The following FKBP9 variants were observed in gnomAD, a reference collection of about 807,000 sequenced individuals.
The protein encoded by FKBP9 is FKBP prolyl isomerase 9.
Under a neutral mutation model 55.6 loss-of-function variants are expected in FKBP9, and 27 were observed. That is an observed-to-expected ratio of 0.49 (90% CI 0.36 to 0.67). The LOEUF (loss-of-function observed/expected upper bound fraction) is 0.67. Ranked by LOEUF, FKBP9 falls within the 30% of genes least tolerant of loss-of-function variation. FKBP9 has a pLI of 0.00. For synonymous variants in FKBP9, 267 were observed against 296.5 expected, an observed-to-expected ratio of 0.90 and a Z score of 1.02; for missense variants, 539 against 742.8, an observed-to-expected ratio of 0.73 and a Z score of 3.19.
intron 1 of FKBP9, among the ~76,000 whole-genome samples, chr7:32,960,693 T>C (rs1784004355): frequency 6.6e-6 from 1 of 152,120 alleles, no homozygotes; most frequent in Non-Finnish European, 1.5e-5. Context: ...GGATCTACCA[T>C]CCATTCATCA....
chr7:32,976,500 G>T lies in FKBP9; in HGVS notation c.703+1G>T. ...CTGGCCTATGGAGAGGATGGAGATG[G>T]TAAGTCCGTCTCCTTCTTGGAGCCA... On this transcript the variant is annotated splice_donor_variant, in intron 4 of 9. Coordinates refer to ENST00000242209, the MANE Select transcript of FKBP9 (RefSeq NM_007270.5). LOFTEE classifies it high-confidence loss of function. 6.3e-7 allele frequency: 1 copy of T among 1,585,980 alleles called. No homozygotes were observed. Among genetic ancestry groups the T allele is most frequent in the South Asian group, 1.2e-5 (1 of 86,254 alleles).
intron 8 of FKBP9, chr7:33,002,004 T>C (rs954646477): frequency 6.6e-6 from 1 of 152,268 alleles, no homozygotes; most frequent in Non-Finnish European, 1.5e-5. Context: ...GAGGTCATGC[T>C]ATTCTTCTCA....
At chr7:32,995,350 A>G (rs1424443772) in intron 6 of FKBP9, among the ~76,000 whole-genome samples, 9 of 152,138 alleles carry the variant, frequency 5.9e-5, no homozygotes, top group Non-Finnish European at 1.3e-4. Context: ...TTTTACATTT[A>G]AACTTCTCTG....
intron 5 of FKBP9, among the ~76,000 whole-genome samples, chr7:32,983,525 G>C (rs1217320207): frequency 6.6e-6 from 1 of 151,866 alleles, no homozygotes. Context: ...ATGTTGGCCA[G>C]GCTGGTGTCA....
chr7:32,989,074 CTT>C (rs1483406216), intron 6 of FKBP9: 1 of 153,158 alleles, frequency 6.5e-6, no homozygotes, highest in African/African-American at 2.4e-5. Flanking sequence ...GTGAATTCCA[CTT>C]TGTTTTGCCA....
intron 1 of FKBP9, among the ~76,000 whole-genome samples, chr7:32,972,719 C>T (rs1307879233): frequency 6.6e-6 from 1 of 150,626 alleles, no homozygotes; most frequent in Non-Finnish European, 1.5e-5. Context: ...TTAACCTGTT[C>T]CCCCCCCACC....
Position 32,999,806 on chromosome 7 carries a change from G to A in FKBP9, c.1227-309G>A, listed in dbSNP as rs116918609. Among the ~76,000 whole-genome samples the A allele has an allele frequency of 8.8e-3, 1,335 of 152,108 alleles. 67 individuals carry two copies. In the East Asian group the frequency reaches 0.14, roughly 15 times the overall value. On this transcript the variant is annotated intron_variant, in intron 7 of 9. Transcript: ENST00000242209. ...CTCACAGGCTGGAGTGCAGGGGCAC[G>A]ATCCTGGCTCACTGCAGCCTCCACC...
intron 1 of FKBP9, among the ~76,000 whole-genome samples, chr7:32,962,080 G>A (rs1040377562): frequency 6.6e-6 from 1 of 152,054 alleles, no homozygotes; most frequent in Admixed American, 6.6e-5. Flanking sequence ...GGCCAAAAAG[G>A]TTGGGGACCA....
At position 33,000,147 on chromosome 7, in the gene FKBP9, T is replaced by C. The variant is rs1448849799; in HGVS notation, c.1259T>C (p.Leu420Pro). ...TTAGGCAAAACTTACAATATTGTTC[T>C]GGGATCTGGGCAAGTTGTGTTGGGG... ...WNLGKTYNIV[L>P]GSGQVVLGMD... Residue 420 changes from leucine to proline, a missense_variant, in exon 8 of 10, where the codon CTG becomes CCG. Physicochemically the swap from Leu to Pro is moderately conservative, Grantham distance 98. Transcript: ENST00000242209. 1 of 1,613,976 alleles carries C rather than the reference T, an allele frequency of 6.2e-7. No homozygotes were observed. Among genetic ancestry groups the C allele is most frequent in the Non-Finnish European group, 8.5e-7 (1 of 1,179,986 alleles).
At chr7:32,976,318 G>A (rs1478311699) in intron 3 of FKBP9, 36 bp from the exon 4 acceptor site, 2 of 1,613,498 alleles carry the variant, frequency 1.2e-6, no homozygotes, top group East Asian at 4.5e-5. Context: ...ATATCCTCAT[G>A]GTGTGGAACT....
Position 32,974,616 on chromosome 7 carries a change from G to C in FKBP9, c.222-1G>C, listed in dbSNP as rs749922060. 1 of 1,612,972 alleles carries C rather than the reference G, an allele frequency of 6.2e-7. No individual in the cohort carries two copies. Among genetic ancestry groups the C allele is most frequent in the East Asian group, 2.2e-5 (1 of 44,880 alleles). ...TCTTTCCCTACCCTTTGGGCCTTCA[G>C]CTATGACAGAGACTCCACTTTCAAT... is the stretch of plus-strand genomic sequence containing the variant. On this transcript the variant is annotated splice_acceptor_variant, in intron 1 of 9. Coordinates refer to ENST00000242209, the MANE Select transcript of FKBP9 (RefSeq NM_007270.5). LOFTEE classifies it high-confidence loss of function.
intron 6 of FKBP9, among the ~76,000 whole-genome samples, chr7:32,994,257 C>T (rs1784741094): frequency 6.6e-6 from 1 of 152,222 alleles, no homozygotes. Flanking sequence ...CATCCATCCA[C>T]TTCCCCCACG....
chr7:32,985,168 TTC>T (rs367959655), intron 5 of FKBP9, among the ~76,000 whole-genome samples: 17,054 of 150,270 alleles, frequency 0.11, 1,306 homozygotes, highest in East Asian at 0.39. Flanking sequence ...TTCTTTTTCT[TTC>T]TTTCTTTCTT....
chr7:32,995,871 C>T (rs1030643302), intron 6 of FKBP9, among the ~76,000 whole-genome samples: 13 of 152,262 alleles, frequency 8.5e-5, no homozygotes, highest in East Asian at 3.9e-4. Flanking sequence ...TCAGGCTCAA[C>T]GATTCCATGG....
rs571426426 is a variant in FKBP9 at position 33,005,554 on chromosome 7, A to G, written c.*203A>G. On this transcript the variant is annotated 3_prime_UTR_variant, in exon 10 of 10. Coordinates refer to ENST00000242209, the MANE Select transcript of FKBP9 (RefSeq NM_007270.5). Reference sequence around the variant, plus strand: ...GGCTGATCGCCAGTGATAGTAAACAAAATCTGTGCAGAGGGCCTTAGCATG... The same window carrying G: ...GGCTGATCGCCAGTGATAGTAAACAGAATCTGTGCAGAGGGCCTTAGCATG... The G allele has an allele frequency of 4.2e-5, 24 of 576,316 alleles. No homozygotes were observed. The African/African-American group carries it at 4.3e-4, about 10-fold the overall frequency. 35.7% of individuals were successfully genotyped at this position (576,316 alleles called of 1,614,324 possible). A position where few individuals can be genotyped will look rare whatever the true frequency, so the allele number is the denominator to read the frequency against.
At chr7:32,990,371 G>A (rs1281925256) in intron 6 of FKBP9, among the ~76,000 whole-genome samples, 1 of 152,042 alleles carries the variant, frequency 6.6e-6, no homozygotes, top group Non-Finnish European at 1.5e-5. Context: ...CATTCTCCCC[G>A]GCAGCCTCCA....
At chr7:32,990,891 A>T (rs1784667354) in intron 6 of FKBP9, among the ~76,000 whole-genome samples, 2 of 151,554 alleles carry the variant, frequency 1.3e-5, no homozygotes, top group Non-Finnish European at 2.9e-5. Context: ...AGAAACGTCA[A>T]GTTGGTTGGA....
intron 6 of FKBP9, chr7:32,989,114 T>C (rs1396920302): frequency 6.6e-6 from 1 of 152,418 alleles, no homozygotes; most frequent in Non-Finnish European, 1.5e-5. Flanking sequence ...ATATTTGATC[T>C]CTTTTTATAT....
chr7:32,974,043 G>A (rs1478827996), intron 1 of FKBP9, among the ~76,000 whole-genome samples: 18 of 150,274 alleles, frequency 1.2e-4, no homozygotes, highest in South Asian at 4.2e-4. Context: ...AGACTCTGTC[G>A]CCCAGGCTGG....
Sources: allele counts gnomAD v4.1 joint callset (sites outside exome capture counted in the v4.1 genomes callset), GRCh38; gene constraint gnomAD v4.1.1; transcripts MANE v1.5; gene names NCBI Gene and HGNC (gene_info 2026-07-23, HGNC 2026-07-21).